PTTG1IP: variants seen among roughly 807,000 people sequenced by gnomAD.
PTTG1IP encodes pituitary tumor-transforming gene 1 protein-interacting protein.
A neutral mutation model predicts 24.4 loss-of-function variants in PTTG1IP; 16 were observed. The ratio of observed to expected loss-of-function variants is 0.66; its 90% CI spans 0.44 to 1.00. The LOEUF is 1.00. Ranked by LOEUF, PTTG1IP falls within the 50% of genes least tolerant of loss-of-function variation. The pLI, the probability that PTTG1IP is intolerant of heterozygous loss-of-function variation, is 0.00. For missense variants in PTTG1IP, 241 were observed against 245.8 expected, an observed-to-expected ratio of 0.98 and a Z score of 0.13; for synonymous variants, 89 against 96.8, an observed-to-expected ratio of 0.92 and a Z score of 0.47.
Position 44,851,091 on chromosome 21 carries a change from G to GA in PTTG1IP, c.*489dup, listed in dbSNP as rs2083406793. 2.5e-6 allele frequency: 1 copy of GA among 394,088 alleles called. No individual in the cohort carries two copies. The highest frequency in any genetic ancestry group is 4.0e-5 in the East Asian group (1 of 25,040). The allele number at this position is 394,088 out of a possible 1,614,324, so 24.4% of individuals were successfully genotyped here. On this transcript the variant is annotated 3_prime_UTR_variant, in exon 6 of 6. Coordinates refer to ENST00000330938, the MANE Select transcript of PTTG1IP (RefSeq NM_004339.4). Reference sequence around the variant, plus strand: ...AAAAGCCGTGTGAGTCAACAGGTGTGAAGACTCAAGATGCGCACACAGACG... The same window carrying GA: ...AAAAGCCGTGTGAGTCAACAGGTGTGAAAGACTCAAGATGCGCACACAGACG...
chr21:44,862,079 C>A, intron 2 of PTTG1IP: 1 of 539,430 alleles, frequency 1.9e-6, no homozygotes, highest in Non-Finnish European at 3.4e-6. Context: ...CCATCACACC[C>A]GTGTGTGTGT....
At chr21:44,853,632 C>T (rs2083427006) in intron 5 of PTTG1IP, among the ~76,000 whole-genome samples, 1 of 152,190 alleles carries the variant, frequency 6.6e-6, no homozygotes, top group Non-Finnish European at 1.5e-5. Context: ...CGTACACAGG[C>T]ATGCACTCGC....
At chr21:44,855,668 C>T (rs1273096441) in intron 4 of PTTG1IP, among the ~76,000 whole-genome samples, 5 of 152,156 alleles carry the variant, frequency 3.3e-5, no homozygotes, top group African/African-American at 9.7e-5. Context: ...GAAAATCTGT[C>T]CCGCTTCCAC....
chr21:44,851,526 G>A lies in PTTG1IP; in HGVS notation c.*55C>T, dbSNP rs749474298. 1.9e-5 allele frequency: 31 copies of A among 1,613,874 alleles called. No individual in the cohort carries two copies. The highest frequency in any genetic ancestry group is 2.5e-5 in the Non-Finnish European group (30 of 1,179,892). On this transcript the variant is annotated 3_prime_UTR_variant, in exon 6 of 6. Coordinates refer to ENST00000330938, the MANE Select transcript of PTTG1IP (RefSeq NM_004339.4). Reference sequence around the variant, plus strand: ...GGCCACGTGGTCTCCCGGCTGGGCTGGGCTGCGGAGCGTGCACCTCACAGG... The same window carrying A: ...GGCCACGTGGTCTCCCGGCTGGGCTAGGCTGCGGAGCGTGCACCTCACAGG...
At chr21:44,868,467 TGGCTGATTCCAGAAGTGG>T (rs1409010695) in intron 1 of PTTG1IP, among the ~76,000 whole-genome samples, 1 of 152,040 alleles carries the variant, frequency 6.6e-6, no homozygotes, top group Non-Finnish European at 1.5e-5. Flanking sequence ...CTCGGAGAAA[TGGCTGATTCCAGAAGTGG>T]GGCAGGAAGT....
In PTTG1IP at chr21:44,864,489, C is replaced by T. The variant is rs142865342; in HGVS notation, c.168+906G>A. Among the ~76,000 whole-genome samples the T allele has an allele frequency of 8.7e-3, 1,319 of 152,324 alleles. 5 individuals carry two copies. Among genetic ancestry groups the T allele is most frequent in the Non-Finnish European group, 0.014 (971 of 68,010 alleles). On this transcript the variant is annotated intron_variant, in intron 2 of 5. Coordinates refer to ENST00000330938, the MANE Select transcript of PTTG1IP (RefSeq NM_004339.4). ...TTGGCTCACTGCAACCTCCGACTTC[C>T]GGTTTCAAGAAATTCTCCTGCCTCA...
chr21:44,859,384 T>C (rs1415600023), intron 3 of PTTG1IP, among the ~76,000 whole-genome samples: 1 of 152,212 alleles, frequency 6.6e-6, no homozygotes, highest in Non-Finnish European at 1.5e-5. Flanking sequence ...ACTGAATATA[T>C]GTACGCACAC....
At chr21:44,862,567 GCCCAAGTCCAGA>G (rs2083500577) in intron 2 of PTTG1IP, among the ~76,000 whole-genome samples, 1 of 152,250 alleles carries the variant, frequency 6.6e-6, no homozygotes, top group South Asian at 2.1e-4. Context: ...TCATGCGCCA[GCCCAAGTCCAGA>G]CCCAAGTCCA....
In PTTG1IP at chr21:44,855,165, C is replaced by T. The variant is rs757578355; in HGVS notation, c.496+45G>A. 2.6e-6 allele frequency: 4 copies of T among 1,559,082 alleles called. No individual in the cohort carries two copies. In the East Asian group the frequency reaches 6.7e-5, roughly 26 times the overall value. On this transcript the variant is annotated intron_variant, in intron 5 of 5. Coordinates refer to ENST00000330938, the MANE Select transcript of PTTG1IP (RefSeq NM_004339.4). Reference sequence around the variant, plus strand: ...ACTAACGAGGACCGAGACAGCGTGCCATCGCCTCCCAACCAGACAAAAAGG... The same window carrying T: ...ACTAACGAGGACCGAGACAGCGTGCTATCGCCTCCCAACCAGACAAAAAGG...
chr21:44,866,599 TAC>T (rs1199765329), intron 1 of PTTG1IP, among the ~76,000 whole-genome samples: 4 of 48,894 alleles, frequency 8.2e-5, no homozygotes, highest in Non-Finnish European at 1.6e-4. Flanking sequence ...ATAACACACA[TAC>T]ACACACACAG....
At chr21:44,860,892 CT>C (rs2083486030) in intron 3 of PTTG1IP, among the ~76,000 whole-genome samples, 1 of 152,176 alleles carries the variant, frequency 6.6e-6, no homozygotes, top group Admixed American at 6.5e-5. Flanking sequence ...CAAACTCCGC[CT>C]CCCGGGTTCA....
At chr21:44,863,537 C>T (rs1017065926) in intron 2 of PTTG1IP, among the ~76,000 whole-genome samples, 22 of 152,226 alleles carry the variant, frequency 1.4e-4, no homozygotes, top group Non-Finnish European at 1.5e-5. Context: ...TGGGCAAGTC[C>T]CTCAGCCGCC....
chr21:44,854,566 G>C (rs1159487333), intron 5 of PTTG1IP, among the ~76,000 whole-genome samples: 1 of 152,228 alleles, frequency 6.6e-6, no homozygotes, highest in Admixed American at 6.5e-5. Context: ...AGCACGGCTG[G>C]GTGGTGGTGT....
Position 44,851,397 on chromosome 21 carries a change from G to A in PTTG1IP, c.*184C>T, listed in dbSNP as rs781393671. On this transcript the variant is annotated 3_prime_UTR_variant, in exon 6 of 6. Coordinates refer to ENST00000330938, the MANE Select transcript of PTTG1IP (RefSeq NM_004339.4). ...AACAGAGATGAACAGGGAATAGAAGGTCACCAGTCTGCAAGACGAGAGGAC... is the reference window on the plus strand; with the variant it reads ...AACAGAGATGAACAGGGAATAGAAGATCACCAGTCTGCAAGACGAGAGGAC... The A allele has an allele frequency of 1.1e-5, 17 of 1,554,524 alleles. No individual in the cohort carries two copies. Among genetic ancestry groups the A allele is most frequent in the Non-Finnish European group, 1.4e-5 (16 of 1,153,422 alleles).
At chr21:44,861,423 C>T in intron 2 of PTTG1IP, 152 bp from the exon 3 acceptor site, 1 of 662,022 alleles carries the variant, frequency 1.5e-6, no homozygotes, top group Non-Finnish European at 2.6e-6. Flanking sequence ...CTGCCTTCAC[C>T]CTCAGCGCCC....
chr21:44,856,488 G>A (rs1379435592), intron 3 of PTTG1IP, 124 bp from the exon 4 acceptor site: 15 of 1,114,412 alleles, frequency 1.3e-5, no homozygotes, highest in East Asian at 5.2e-5. Flanking sequence ...AAGCCGCCTC[G>A]GCCAGGCTGC....
At position 44,873,544 on chromosome 21, in the gene PTTG1IP, G is replaced by A. The variant is rs950841971; in HGVS notation, c.73C>T (p.Leu25=). 2 of 1,470,938 alleles carry A rather than the reference G, an allele frequency of 1.4e-6. No homozygotes were observed. The highest frequency in any genetic ancestry group is 1.5e-5 in the African/African-American group (1 of 68,082). The allele number at this position is 1,470,938 out of a possible 1,614,324, so 91.1% of individuals were successfully genotyped here. A position where few individuals can be genotyped will look rare whatever the true frequency, so the allele number is the denominator to read the frequency against. ...TGCGCGGCGGCCACCGGGATGAGCAGCAGGAGCAGCGCGGCGCCACCGAGG... is the reference window on the plus strand; with the variant it reads ...TGCGCGGCGGCCACCGGGATGAGCAACAGGAGCAGCGCGGCGCCACCGAGG... ...LRLGGAALLL[L]LIPVAAAQEP... is the part of the protein sequence containing the mutation. The change falls in exon 1 of 6, where the codon CTG becomes TTG. Residue 25 remains leucine (L), a synonymous_variant. Transcript: ENST00000330938.
intron 3 of PTTG1IP, among the ~76,000 whole-genome samples, chr21:44,856,737 G>A (rs954045583): frequency 3.9e-5 from 6 of 152,190 alleles, no homozygotes; most frequent in Non-Finnish European, 8.8e-5. Context: ...TCAGACTCTC[G>A]TAAGACATTC....
chr21:44,851,583 A>C lies in PTTG1IP; in HGVS notation c.541T>G (p.Ter181GluextTer12). 6.3e-7 allele frequency: 1 copy of C among 1,598,054 alleles called. No homozygotes were observed. The highest frequency in any genetic ancestry group is 8.6e-7 in the Non-Finnish European group (1 of 1,166,426). Residue 181 changes from the stop codon to glutamate (E), a stop_lost, in exon 6 of 6, where the codon TAA becomes GAA. Coordinates refer to ENST00000330938, the MANE Select transcript of PTTG1IP (RefSeq NM_004339.4). ...CGGGACTGATGTGCTGGAGCGCTTTAGTTGTTTTCAAATCTAGCATACGGG... is the reference window on the plus strand; with the variant it reads ...CGGGACTGATGTGCTGGAGCGCTTTCGTTGTTTTCAAATCTAGCATACGGG... ...ENPYARFENN[*>E]
Sources: allele counts gnomAD v4.1 joint callset (sites outside exome capture counted in the v4.1 genomes callset), GRCh38; gene constraint gnomAD v4.1.1; transcripts MANE v1.5; gene names NCBI Gene and HGNC (gene_info 2026-07-23, HGNC 2026-07-21).